The following SLC26A7 variants were observed in gnomAD, a reference collection of about 807,000 sequenced individuals.
SLC26A7 encodes anion exchange transporter.
Under a neutral mutation model 82.5 loss-of-function variants are expected in SLC26A7, and 59 were observed. The observed-to-expected ratio is 0.72, with a 90% CI of 0.58 to 0.89. The LOEUF is 0.89. Among genes scored for constraint, SLC26A7 ranks in the 40% least tolerant of loss-of-function variants. The probability of loss-of-function intolerance (pLI) is 0.00; values close to 1 mark genes in which losing one functional copy is unlikely to be tolerated. For missense variants in SLC26A7, 820 were observed against 793.0 expected (o/e 1.03, Z -0.41); for synonymous variants, 271 against 274.3 (o/e 0.99, Z 0.12).
rs35714602 is a variant in SLC26A7 at position 91,394,003 on chromosome 8, G to T, written c.1899G>T (p.Ser633=). The change falls in exon 18 of 19, where the codon TCG becomes TCT. Residue 633 remains serine (S), a synonymous_variant. Transcript: ENST00000276609. ...CAGAGAAACCAATTTTTTTTGAATC[G>T]GTATCTGCTGCAATAAGTCATATCC... is the stretch of plus-strand genomic sequence containing the variant. ...LDSEKPIFFE[S]VSAAISHIHS... is the part of the protein sequence containing the mutation. The T allele has an allele frequency of 3.1e-6, 5 of 1,613,186 alleles. No homozygotes were observed. In the East Asian group the frequency reaches 6.7e-5, roughly 22 times the overall value.
intron 6 of SLC26A7, among the ~76,000 whole-genome samples, chr8:91,337,796 A>G (rs1283078635): frequency 1.3e-5 from 2 of 152,216 alleles, no homozygotes; most frequent in East Asian, 3.8e-4. Flanking sequence ...ATCCCTTTGT[A>G]TCATGGGAGG....
intron 2 of SLC26A7, among the ~76,000 whole-genome samples, chr8:91,242,362 C>A (rs754129618): frequency 6.6e-6 from 1 of 152,194 alleles, no homozygotes; most frequent in African/African-American, 2.4e-5. Context: ...ATATGAAGTA[C>A]AGGGACTTGT....
intron 6 of SLC26A7, among the ~76,000 whole-genome samples, chr8:91,335,062 T>C (rs547755516): frequency 9.2e-5 from 14 of 152,286 alleles, no homozygotes; most frequent in Non-Finnish European, 2.1e-4. Flanking sequence ...ATAGGAACTC[T>C]TAACTATACA....
At chr8:91,323,050 G>C (rs985649008) in intron 5 of SLC26A7, among the ~76,000 whole-genome samples, 2 of 152,164 alleles carry the variant, frequency 1.3e-5, no homozygotes, top group African/African-American at 4.8e-5. Flanking sequence ...GGGTTTATAC[G>C]TGGAGAACAA....
At chr8:91,339,238 A>G (rs1312758901) in intron 7 of SLC26A7, among the ~76,000 whole-genome samples, 1 of 152,134 alleles carries the variant, frequency 6.6e-6, no homozygotes, top group African/African-American at 2.4e-5. Flanking sequence ...CTGTAATGAT[A>G]CAAATCAATT....
chr8:91,374,175 A>C (rs1362086059), intron 15 of SLC26A7, among the ~76,000 whole-genome samples: 1 of 151,382 alleles, frequency 6.6e-6, no homozygotes, highest in Non-Finnish European at 1.5e-5. Flanking sequence ...CTTTCAAAGA[A>C]CTATTGTTTC....
intron 2 of SLC26A7, among the ~76,000 whole-genome samples, chr8:91,263,576 G>A (rs139356732): frequency 2.6e-5 from 4 of 151,864 alleles, no homozygotes; most frequent in Non-Finnish European, 5.9e-5. Flanking sequence ...CTCTTTCTTT[G>A]TGCTTGCCCT....
intron 15 of SLC26A7, among the ~76,000 whole-genome samples, chr8:91,370,207 CTCTT>C (rs1033716309): frequency 3.6e-4 from 51 of 142,642 alleles, no homozygotes; most frequent in African/African-American, 1.4e-3. Flanking sequence ...CCTCCTTTCT[CTCTT>C]TATTCTTTTC....
chr8:91,220,791 T>G (rs146719282), intron 2 of SLC26A7, among the ~76,000 whole-genome samples: 1,572 of 152,340 alleles, frequency 0.01, 31 homozygotes, highest in African/African-American at 0.035. Context: ...TTTGCTATTG[T>G]AAATAGTGCT....
At chr8:91,217,496 G>C (rs1810072890) in intron 1 of SLC26A7, among the ~76,000 whole-genome samples, 1 of 152,116 alleles carries the variant, frequency 6.6e-6, no homozygotes. Context: ...AATGTCCTGG[G>C]GCTGATGTTC....
At chr8:91,252,860 C>G (rs1810697633) in intron 2 of SLC26A7, among the ~76,000 whole-genome samples, 1 of 152,050 alleles carries the variant, frequency 6.6e-6, no homozygotes, top group Admixed American at 6.6e-5. Context: ...CATGTATGAT[C>G]CTCATGTCCC....
intron 2 of SLC26A7, among the ~76,000 whole-genome samples, chr8:91,269,839 G>T (rs1463068738): frequency 6.6e-6 from 1 of 151,942 alleles, no homozygotes; most frequent in Admixed American, 6.6e-5. Flanking sequence ...AGCTCGCTTA[G>T]TCTTTCCTCT....
chr8:91,209,625 T>G (rs1471400580), intron 1 of SLC26A7: 1 of 152,208 alleles, frequency 6.6e-6, no homozygotes, highest in African/African-American at 2.4e-5. Context: ...TGCATGGTTG[T>G]AGGCTGTGGA....
At chr8:91,369,920 C>T in intron 15 of SLC26A7, 87 bp downstream of exon 15, 1 of 989,332 alleles carries the variant, frequency 1.0e-6, no homozygotes, top group South Asian at 1.4e-5. Flanking sequence ...TTCTCCTCCT[C>T]ATCTGCCTCC....
rs1325663354 is a variant in SLC26A7, at chr8:91,366,619, C to G, written c.1528C>G (p.Pro510Ala). The change falls in exon 14 of 19, where the codon CCG (proline) becomes GCG (alanine). Residue 510 changes from proline to alanine, a missense_variant. By Grantham distance (27) the Pro-to-Ala change is conservative. Transcript: ENST00000276609. ...GGTGAAAATTATCTCAATAAACAAC[C>G]CGCTTGTTTTCCTGAATGCAAAAAA... Reference protein sequence around the residue: ...QQVKIISINNPLVFLNAKKFY... With the variant: ...QQVKIISINNALVFLNAKKFY... 1.2e-6 allele frequency: 2 copies of G among 1,613,446 alleles called. No individual in the cohort carries two copies. The highest frequency in any genetic ancestry group is 2.2e-5 in the South Asian group (2 of 90,982).
chr8:91,318,628 A>G (rs527405132), intron 5 of SLC26A7, among the ~76,000 whole-genome samples: 1 of 152,312 alleles, frequency 6.6e-6, no homozygotes, highest in African/African-American at 2.4e-5. Flanking sequence ...TAATTAGAAA[A>G]AAAAAACCTG....
rs115695416 is a variant in SLC26A7 at position 91,320,300 on chromosome 8, G to A, written c.642+1920G>A. On this transcript the variant is annotated intron_variant, in intron 5 of 18. Transcript: ENST00000276609. ...TGGAGGTCTTTCTTAAAAACTTTAC[G>A]GTGAAACGGAATCAGATTTGGGAAT... Among the ~76,000 whole-genome samples the A allele has an allele frequency of 5.1e-3, 770 of 152,100 alleles. 5 individuals carry two copies. The highest frequency in any genetic ancestry group is 0.018 in the African/African-American group (734 of 41,506).
At chr8:91,258,398 A>AC (rs961487855) in intron 2 of SLC26A7, among the ~76,000 whole-genome samples, 7 of 141,848 alleles carry the variant, frequency 4.9e-5, no homozygotes, top group Admixed American at 1.4e-4. Flanking sequence ...AATGCAAGTC[A>AC]CCCCCCCATC....
intron 4 of SLC26A7, among the ~76,000 whole-genome samples, chr8:91,296,239 A>C (rs1812012989): frequency 6.6e-6 from 1 of 152,232 alleles, no homozygotes; most frequent in African/African-American, 2.4e-5. Flanking sequence ...AGATTGCTAC[A>C]GTCTATTTCT....
Sources: allele counts gnomAD v4.1 joint callset (sites outside exome capture counted in the v4.1 genomes callset), GRCh38; gene constraint gnomAD v4.1.1; transcripts MANE v1.5; gene names NCBI Gene and HGNC (gene_info 2026-07-23, HGNC 2026-07-21).